The following STARD13 variants were observed in gnomAD, a reference collection of about 807,000 sequenced individuals.
STARD13 encodes StAR related lipid transfer domain containing 13.
In STARD13, 62 loss-of-function variants were observed where a neutral mutation model predicts 106.4. The ratio of observed to expected loss-of-function variants is 0.58; its 90% CI spans 0.48 to 0.72. The LOEUF (loss-of-function observed/expected upper bound fraction) is 0.72, where lower values mean the gene tolerates loss of function less well. Ranked by LOEUF, STARD13 falls within the 30% of genes least tolerant of loss-of-function variation. The pLI is 0.00. For missense variants in STARD13, 1,387 were observed against 1,424.0 expected (o/e 0.97, Z 0.42); for synonymous variants, 565 against 553.0 (o/e 1.02, Z -0.31).
the STARD13 span, among the ~76,000 whole-genome samples, chr13:33,431,993 T>C: frequency 6.6e-6 from 1 of 152,174 alleles, no homozygotes; most frequent in African/African-American, 2.4e-5. Context: ...TCCGGCCCGG[T>C]GAACCTGAAT....
chr13:33,211,647 C>T (rs988084839), intron 1 of STARD13, among the ~76,000 whole-genome samples: 6 of 152,120 alleles, frequency 3.9e-5, no homozygotes, highest in African/African-American at 1.4e-4. Context: ...AATGTAAATG[C>T]TATGTACACA....
the STARD13 span, among the ~76,000 whole-genome samples, chr13:33,439,224 C>T: frequency 6.6e-6 from 1 of 152,266 alleles, no homozygotes; most frequent in Non-Finnish European, 1.5e-5. Context: ...AATAAGATTC[C>T]ACAAATAAAG....
chr13:33,489,073 C>T, the STARD13 span, among the ~76,000 whole-genome samples: 2 of 152,146 alleles, frequency 1.3e-5, no homozygotes, highest in African/African-American at 4.8e-5. Flanking sequence ...TAATTTCACA[C>T]CCTGCCTAAA....
At chr13:33,653,687 T>C in the STARD13 span, among the ~76,000 whole-genome samples, 1 of 147,846 alleles carries the variant, frequency 6.8e-6, no homozygotes, top group Non-Finnish European at 1.5e-5. Flanking sequence ...TTGGATTTTA[T>C]GAAAATTAAA....
chr13:33,648,783 C>CTTTTTTTTTTTTTT, the STARD13 span, among the ~76,000 whole-genome samples: 3 of 77,010 alleles, frequency 3.9e-5, no homozygotes, highest in African/African-American at 5.9e-5. Context: ...TTTTCTCTTT[C>CTTTTTTTTTTTTTT]TTTTTTTTTT....
At chr13:33,107,458 G>A (rs757579074) in intron 12 of STARD13, among the ~76,000 whole-genome samples, 8 of 152,112 alleles carry the variant, frequency 5.3e-5, no homozygotes, top group East Asian at 1.9e-4. Context: ...AGGGGGCTGC[G>A]GGAGGAATAT....
At chr13:33,669,805 A>G in the STARD13 span, among the ~76,000 whole-genome samples, 89 of 152,144 alleles carry the variant, frequency 5.8e-4, 1 homozygote, top group African/African-American at 2.1e-3. Flanking sequence ...AAGTGCTGGG[A>G]TTACAGGCGT....
intron 8 of STARD13, among the ~76,000 whole-genome samples, chr13:33,114,252 G>A (rs998622791): frequency 2.6e-5 from 4 of 152,184 alleles, no homozygotes; most frequent in African/African-American, 7.2e-5. Context: ...GAAGGGCTGA[G>A]GTGTGACCTT....
chr13:33,646,886 T>C, the STARD13 span, among the ~76,000 whole-genome samples: 1 of 152,206 alleles, frequency 6.6e-6, no homozygotes, highest in African/African-American at 2.4e-5. Context: ...TTTGAAAGAG[T>C]AATATTTTAT....
At chr13:33,221,924 A>G (rs4943082) in intron 1 of STARD13, among the ~76,000 whole-genome samples, 91,199 of 152,052 alleles carry the variant, frequency 0.6, 28,035 homozygotes, top group African/African-American at 0.71. Context: ...GCCAAGGCAG[A>G]CAGATCACAA....
Position 33,129,621 on chromosome 13 carries a change from C to T in STARD13, c.1056G>A (p.Lys352=). ...GVSTPCLKER[K]CHEANKRGGM... ...CCCCGCGCTTGTTGGCCTCGTGGCA[C>T]TTGCGTTCCTTCAGGCAGGGCGTGC... Residue 352 remains lysine (K), a synonymous_variant, in exon 5 of 14, where the codon AAG becomes AAA. Coordinates refer to ENST00000336934, the MANE Select transcript of STARD13 (RefSeq NM_178006.4). 2 of 1,614,008 alleles carry T rather than the reference C, an allele frequency of 1.2e-6. No homozygotes were observed. The highest frequency in any genetic ancestry group is 1.7e-6 in the Non-Finnish European group (2 of 1,180,012).
At chr13:33,282,652 T>A (rs560870566) in intron 1 of STARD13, among the ~76,000 whole-genome samples, 1 of 152,330 alleles carries the variant, frequency 6.6e-6, no homozygotes, top group South Asian at 2.1e-4. Flanking sequence ...GATGTGGCTG[T>A]CACTTTAAGA....
the STARD13 span, among the ~76,000 whole-genome samples, chr13:33,620,839 C>CA: frequency 1.3e-5 from 2 of 150,532 alleles, no homozygotes; most frequent in Non-Finnish European, 3.0e-5. Context: ...ATAGAAATGC[C>CA]AAAAATAGTT....
At chr13:33,246,085 C>T (rs9597046) in intron 1 of STARD13, among the ~76,000 whole-genome samples, 7,208 of 152,238 alleles carry the variant, frequency 0.047, 224 homozygotes, top group Middle Eastern at 0.12. Flanking sequence ...TGAATAAGCT[C>T]AAGCTTGGCA....
the STARD13 span, among the ~76,000 whole-genome samples, chr13:33,564,304 G>T: frequency 0.01 from 1,460 of 144,706 alleles, 177 homozygotes; most frequent in African/African-American, 0.036. Flanking sequence ...GCTCAACATC[G>T]CTAATATCAG....
the STARD13 span, among the ~76,000 whole-genome samples, chr13:33,641,181 C>G: frequency 6.6e-6 from 1 of 152,238 alleles, no homozygotes; most frequent in Admixed American, 6.5e-5. Context: ...GCAGGACTCT[C>G]TCTAGAATAG....
the STARD13 span, among the ~76,000 whole-genome samples, chr13:33,425,792 C>T: frequency 3.9e-5 from 6 of 152,144 alleles, no homozygotes; most frequent in South Asian, 2.1e-4. Flanking sequence ...GGGAAGACTG[C>T]GAAGTTTGCT....
At chr13:33,652,119 A>G in the STARD13 span, among the ~76,000 whole-genome samples, 1 of 152,208 alleles carries the variant, frequency 6.6e-6, no homozygotes, top group African/African-American at 2.4e-5. Flanking sequence ...CAATCCATCA[A>G]ATATTTGTTC....
chr13:33,254,104 G>C (rs1008330853), intron 1 of STARD13, among the ~76,000 whole-genome samples: 3 of 152,174 alleles, frequency 2.0e-5, no homozygotes, highest in African/African-American at 7.2e-5. Flanking sequence ...AATGTCTCTG[G>C]AAACTATTGA....
Sources: gnomAD v4.1 joint callset for allele counts (sites outside exome capture counted in the v4.1 genomes callset) on GRCh38, gnomAD v4.1.1 for gene constraint, MANE v1.5 for transcripts, NCBI Gene and HGNC (gene_info 2026-07-23, HGNC 2026-07-21) for gene names.